PIGK: variants seen among roughly 807,000 people sequenced by gnomAD.
PIGK encodes GPI-anchor transamidase.
A neutral mutation model predicts 50.6 loss-of-function variants in PIGK; 42 were observed. That is an observed-to-expected ratio of 0.83 (90% CI 0.65 to 1.07). The LOEUF (loss-of-function observed/expected upper bound fraction) is 1.07. Among genes scored for constraint, PIGK ranks in the 50% least tolerant of loss-of-function variants. The pLI, the probability that PIGK is intolerant of heterozygous loss-of-function variation, is 0.00. For synonymous variants in PIGK, 151 were observed against 156.0 expected (o/e 0.97, Z 0.24); for missense variants, 448 against 488.7 (o/e 0.92, Z 0.78).
intron 9 of PIGK, among the ~76,000 whole-genome samples, chr1:77,152,203 T>TAAA (rs1355354440): frequency 6.6e-6 from 1 of 151,902 alleles, no homozygotes; most frequent in Non-Finnish European, 1.5e-5. Context: ...ATCCAAGCAC[T>TAAA]TACAGCCAAC....
At chr1:77,178,307 T>C (rs1327071022) in intron 3 of PIGK, among the ~76,000 whole-genome samples, 1 of 152,186 alleles carries the variant, frequency 6.6e-6, no homozygotes, top group African/African-American at 2.4e-5. Flanking sequence ...TTCATACTTC[T>C]AGAAGGGCAT....
intron 10 of PIGK, 47 bp downstream of exon 10, chr1:77,122,228 C>T (rs780400967): frequency 6.7e-6 from 8 of 1,198,982 alleles, no homozygotes; most frequent in Admixed American, 3.5e-5. Flanking sequence ...TACTTCTCAG[C>T]GATTAAAAAT....
At chr1:77,110,351 T>A (rs12090495) in intron 10 of PIGK, among the ~76,000 whole-genome samples, 35,235 of 151,760 alleles carry the variant, frequency 0.23, 4,936 homozygotes, top group Non-Finnish European at 0.32. Flanking sequence ...ACTACCTGAC[T>A]TCAAACTATA....
chr1:77,151,599 TAA>T (rs1654895076), intron 9 of PIGK, among the ~76,000 whole-genome samples: 1 of 151,992 alleles, frequency 6.6e-6, no homozygotes, highest in Admixed American at 6.6e-5. Context: ...TAAAAAAACC[TAA>T]AGAGTCCACC....
At position 77,161,294 on chromosome 1, in the gene PIGK, C is replaced by T; in HGVS notation, c.813+1G>A. 1 of 1,401,696 alleles carries T rather than the reference C, an allele frequency of 7.1e-7. No individual in the cohort carries two copies. Among genetic ancestry groups the T allele is most frequent in the Non-Finnish European group, 1.0e-6 (1 of 986,584 alleles). The allele number at this position is 1,401,696 out of a possible 1,614,324, so 86.8% of individuals were successfully genotyped here. A position where few individuals can be genotyped will look rare whatever the true frequency, so the allele number is the denominator to read the frequency against. On this transcript the variant is annotated splice_donor_variant, in intron 8 of 10. Coordinates refer to ENST00000370812, the MANE Select transcript of PIGK (RefSeq NM_005482.3). LOFTEE classifies it high-confidence loss of function. ...TATAATCAAATCAAGTGAATACTTA[C>T]AAGGTCATTCATATTAGTTTGGCTA...
rs958383161 is a variant in PIGK, at chr1:77,090,773, T to C, written c.*1601A>G. 6.6e-6 allele frequency: 1 copy of C among 152,170 alleles called. No homozygotes were observed. Among genetic ancestry groups the C allele is most frequent in the African/African-American group, 2.4e-5 (1 of 41,448 alleles). 9.4% of individuals were successfully genotyped at this position (152,170 alleles called of 1,614,324 possible). ...ATTGCAAGTTTATTTTCCCTTCTTT[T>C]CATGTACAGAAAGATCCTTCACATA... On this transcript the variant is annotated 3_prime_UTR_variant, in exon 11 of 11. Transcript: ENST00000370812.
At chr1:77,105,966 A>C (rs1156636247) in intron 10 of PIGK, among the ~76,000 whole-genome samples, 1 of 152,246 alleles carries the variant, frequency 6.6e-6, no homozygotes, top group African/African-American at 2.4e-5. Context: ...AAGTGCTGAA[A>C]GAAAAACTAA....
intron 9 of PIGK, among the ~76,000 whole-genome samples, chr1:77,152,334 T>C (rs567664518): frequency 4.6e-5 from 7 of 152,214 alleles, no homozygotes; most frequent in South Asian, 4.1e-4. Flanking sequence ...ACTTTCACCA[T>C]ATCCCAAAAT....
At chr1:77,208,345 T>C (rs1656338873) in intron 2 of PIGK, among the ~76,000 whole-genome samples, 1 of 152,148 alleles carries the variant, frequency 6.6e-6, no homozygotes, top group Admixed American at 6.5e-5. Context: ...TGCTCAGTAA[T>C]GTTTCTTTTT....
At chr1:77,181,993 T>C (rs1655626283) in intron 3 of PIGK, among the ~76,000 whole-genome samples, 1 of 152,212 alleles carries the variant, frequency 6.6e-6, no homozygotes, top group Non-Finnish European at 1.5e-5. Context: ...ATTTGCCAAA[T>C]GTTGAACAAT....
chr1:77,144,588 T>C (rs1472671690), intron 9 of PIGK, among the ~76,000 whole-genome samples: 2 of 151,904 alleles, frequency 1.3e-5, no homozygotes, highest in Non-Finnish European at 2.9e-5. Flanking sequence ...CAAAGGGATA[T>C]GGTACTATGT....
chr1:77,095,839 C>A (rs1570175758), intron 10 of PIGK, among the ~76,000 whole-genome samples: 1 of 151,990 alleles, frequency 6.6e-6, no homozygotes, highest in Non-Finnish European at 1.5e-5. Flanking sequence ...ACCTATTCCT[C>A]AGATACAGAT....
chr1:77,122,899 C>A (rs1335841684), intron 9 of PIGK, among the ~76,000 whole-genome samples: 1 of 152,018 alleles, frequency 6.6e-6, no homozygotes, highest in African/African-American at 2.4e-5. Flanking sequence ...TTGTTTATCG[C>A]CATCTAGGTA....
chr1:77,171,175 G>A (rs947683845), intron 3 of PIGK, among the ~76,000 whole-genome samples: 41 of 152,040 alleles, frequency 2.7e-4, no homozygotes, highest in African/African-American at 9.6e-4. Context: ...AGTGGCTCAC[G>A]CCTGTAATCC....
intron 9 of PIGK, among the ~76,000 whole-genome samples, chr1:77,126,572 G>A (rs1055539299): frequency 4.0e-5 from 6 of 151,844 alleles, no homozygotes; most frequent in Admixed American, 6.6e-5. Context: ...TCACCACCAC[G>A]ACTCCAAGGG....
chr1:77,132,689 TTTA>T (rs777003940), intron 9 of PIGK, among the ~76,000 whole-genome samples: 8 of 152,084 alleles, frequency 5.3e-5, no homozygotes, highest in Non-Finnish European at 1.0e-4. Flanking sequence ...TTATAATCAT[TTTA>T]TTTCTGGCTG....
At chr1:77,213,470 G>A (rs1216673871) in intron 1 of PIGK, among the ~76,000 whole-genome samples, 2 of 151,982 alleles carry the variant, frequency 1.3e-5, no homozygotes, top group Admixed American at 1.3e-4. Flanking sequence ...AACAACCAAT[G>A]GGTCAAAGAA....
At chr1:77,215,616 A>C (rs2100591528) in intron 1 of PIGK, among the ~76,000 whole-genome samples, 2 of 152,248 alleles carry the variant, frequency 1.3e-5, no homozygotes, top group Middle Eastern at 3.4e-3. Context: ...AGATATCTAC[A>C]CTCCATATTT....
chr1:77,196,483 C>A (rs562447723), intron 3 of PIGK, among the ~76,000 whole-genome samples: 1 of 152,226 alleles, frequency 6.6e-6, no homozygotes, highest in East Asian at 1.9e-4. Flanking sequence ...TTGCCAACAT[C>A]TTTTATTTTT....
Sources: allele counts gnomAD v4.1 joint callset (sites outside exome capture counted in the v4.1 genomes callset), GRCh38; gene constraint gnomAD v4.1.1; transcripts MANE v1.5; gene names NCBI Gene and HGNC (gene_info 2026-07-23, HGNC 2026-07-21).